The following NPHS2 variants were observed in gnomAD, a reference collection of about 807,000 sequenced individuals.
NPHS2 encodes podocin.
A neutral mutation model predicts 37.1 loss-of-function variants in NPHS2; 36 were observed. That is an observed-to-expected ratio of 0.97 (90% confidence interval 0.74 to 1.28). The LOEUF (loss-of-function observed/expected upper bound fraction) is 1.28. NPHS2 is among the 50% of genes most tolerant of loss of function. NPHS2 has a pLI of 0.00. For missense variants in NPHS2, 447 were observed against 488.1 expected (o/e 0.92, Z 0.79); for synonymous variants, 196 against 189.3 (o/e 1.04, Z -0.29).
At chr1:179,554,552 A>C in intron 5 of NPHS2, 21 bp from the exon 6 acceptor site, 5 of 1,614,154 alleles carry the variant, frequency 3.1e-6, no homozygotes, top group Non-Finnish European at 4.2e-6. Flanking sequence ...AAGAATTCAG[A>C]TGTCAGTGGG....
rs528445467 is a variant in NPHS2 at position 179,568,484 on chromosome 1, T to A, written c.275-3691A>T. On this transcript the variant is annotated intron_variant, in intron 1 of 7. Transcript: ENST00000367615. Reference sequence around the variant, plus strand: ...TCTTGCTAGCGGTCTATTTTGTTAATCTTTTCAAAAAACCAGCTCCTGGAT... The same window carrying A: ...TCTTGCTAGCGGTCTATTTTGTTAAACTTTTCAAAAAACCAGCTCCTGGAT... 1.7e-4 allele frequency among the ~76,000 whole-genome samples: 26 copies of A among 152,320 alleles called. No homozygotes were observed. The South Asian group carries it at 4.1e-3, about 24-fold the overall frequency.
At chr1:179,562,701 G>T (rs1219806810) in intron 2 of NPHS2, among the ~76,000 whole-genome samples, 1 of 152,290 alleles carries the variant, frequency 6.6e-6, no homozygotes, top group East Asian at 1.9e-4. Flanking sequence ...AATTTTATGA[G>T]GCCAGAACAC....
intron 1 of NPHS2, among the ~76,000 whole-genome samples, chr1:179,573,783 A>T (rs1454734091): frequency 6.6e-6 from 1 of 152,236 alleles, no homozygotes; most frequent in Non-Finnish European, 1.5e-5. Flanking sequence ...GTAGCGAGAG[A>T]TATGCGTAGA....
intron 2 of NPHS2, among the ~76,000 whole-genome samples, chr1:179,562,776 C>G (rs1459830469): frequency 6.6e-6 from 1 of 152,146 alleles, no homozygotes; most frequent in African/African-American, 2.4e-5. Context: ...CAAGCAATTC[C>G]CAATTGCTTG....
intron 1 of NPHS2, among the ~76,000 whole-genome samples, chr1:179,572,514 AGGGCTTAGAATAGTGCCT>A (rs2101883081): frequency 6.6e-6 from 1 of 152,330 alleles, no homozygotes; most frequent in African/African-American, 2.4e-5. Context: ...GTATGCCCCC[AGGGCTTAGAATAGTGCCT>A]GGCACCATAC....
intron 1 of NPHS2, among the ~76,000 whole-genome samples, chr1:179,571,972 C>T (rs1674581068): frequency 6.6e-6 from 1 of 152,206 alleles, no homozygotes; most frequent in Non-Finnish European, 1.5e-5. Context: ...GGTAGTCTGT[C>T]ATGGCATCCC....
intron 4 of NPHS2, 23 bp from the exon 5 acceptor site, chr1:179,557,253 G>T: frequency 6.3e-7 from 1 of 1,595,634 alleles, no homozygotes; most frequent in South Asian, 1.1e-5. Context: ...AAGTTTGGAT[G>T]ACAGGCTTGA....
Position 179,551,281 on chromosome 1 carries a change from A to G in NPHS2, c.1044T>C (p.Asn348=). 6.2e-7 allele frequency: 1 copy of G among 1,614,074 alleles called. No homozygotes were observed. Residue 348 remains asparagine, a synonymous_variant, in exon 8 of 8, where the codon AAT becomes AAC. Transcript: ENST00000367615. ...TTCTGTTGCTGGGAGAAGACAGGCA[A>G]TTCAGTAGGTCAAATGGCAAAGGTA... is the stretch of plus-strand genomic sequence containing the variant. ...VVLPLPFDLL[N]CLSSPSNRTQ...
At chr1:179,568,698 A>G (rs1413176180) in intron 1 of NPHS2, among the ~76,000 whole-genome samples, 1 of 152,166 alleles carries the variant, frequency 6.6e-6, no homozygotes, top group East Asian at 1.9e-4. Flanking sequence ...AGTGCTATAA[A>G]TTTTCCTCTA....
At chr1:179,552,204 G>A (rs1464235006) in intron 7 of NPHS2, 4 of 247,794 alleles carry the variant, frequency 1.6e-5, no homozygotes, top group South Asian at 5.9e-5. Context: ...GGCCCTGATC[G>A]TGGTTGTCCC....
rs1673914686 is a variant in NPHS2 at position 179,556,162 on chromosome 1, T to C, written c.738+865A>G. 6.6e-6 allele frequency among the ~76,000 whole-genome samples: 1 copy of C among 152,104 alleles called. No individual in the cohort carries two copies. On this transcript the variant is annotated intron_variant, in intron 5 of 7. Coordinates refer to ENST00000367615, the MANE Select transcript of NPHS2 (RefSeq NM_014625.4). This position sits in a 1 kb window ranked among gnomAD's most constrained non-coding sequence, Gnocchi z 4.1. ...AGAAGGATGAATAAGGAAAGGAGGG[T>C]GAAGGGGGACATCCCATAAAGCATA...
chr1:179,570,524 G>T (rs1020792621), intron 1 of NPHS2, among the ~76,000 whole-genome samples: 3 of 152,198 alleles, frequency 2.0e-5, no homozygotes, highest in African/African-American at 7.2e-5. Flanking sequence ...GCCTTTAAGC[G>T]GTTTTCCTCC....
At chr1:179,564,355 T>A (rs868189877) in intron 2 of NPHS2, among the ~76,000 whole-genome samples, 5 of 152,138 alleles carry the variant, frequency 3.3e-5, no homozygotes, top group African/African-American at 1.2e-4. Context: ...TTCGTGGAAG[T>A]GTGTGGAGTG....
chr1:179,554,185 A>C (rs1217045925), intron 6 of NPHS2, among the ~76,000 whole-genome samples: 1 of 152,152 alleles, frequency 6.6e-6, no homozygotes, highest in Non-Finnish European at 1.5e-5. Flanking sequence ...GAGTACTGGG[A>C]TTACAGGTGT....
chr1:179,570,741 C>T lies in NPHS2; in HGVS notation c.274+4850G>A, dbSNP rs562400811. On this transcript the variant is annotated intron_variant, in intron 1 of 7. Transcript: ENST00000367615. ...GGTCTTTTCACATAGTCCCATATTT[C>T]TTGGAGGCTTTGTTCGTTTCTTTTT... Among the ~76,000 whole-genome samples the T allele has an allele frequency of 2.6e-5, 4 of 152,340 alleles. No homozygotes were observed. The East Asian group carries it at 7.7e-4, about 29-fold the overall frequency.
intron 6 of NPHS2, among the ~76,000 whole-genome samples, chr1:179,553,912 A>ATTTT (rs11422639): frequency 2.3e-5 from 3 of 131,870 alleles, no homozygotes; most frequent in Admixed American, 7.8e-5. Flanking sequence ...CCCCTGGCTA[A>ATTTT]TTTTTTTTTT....
At chr1:179,564,171 G>T (rs564518639) in intron 2 of NPHS2, among the ~76,000 whole-genome samples, 1 of 152,118 alleles carries the variant, frequency 6.6e-6, no homozygotes, top group Non-Finnish European at 1.5e-5. Flanking sequence ...TTTCTTTCCC[G>T]TTAATCTTTC....
chr1:179,575,667 G>A lies in NPHS2; in HGVS notation c.198C>T (p.Asp66=). ...CGCCGGAGCCTCGGACCTCATCCAC[G>A]TCCACCACCGTGGCGGCGGGCGCTC... ...EPRAPAATVV[D]VDEVRGSGEE... The change falls in exon 1 of 8, where the codon GAC becomes GAT. Residue 66 remains aspartate (D), a synonymous_variant. Transcript: ENST00000367615. The A allele has an allele frequency of 6.2e-7, 1 of 1,602,752 alleles. No homozygotes were observed. The highest frequency in any genetic ancestry group is 1.1e-5 in the South Asian group (1 of 90,850).
rs1477180313 is a variant in NPHS2 at position 179,575,777 on chromosome 1, C to T, written c.88G>A (p.Glu30Lys). ...PHKENKRAKAERSGGGRGRQE... is the reference protein window; with the variant it reads ...PHKENKRAKAKRSGGGRGRQE... ...CGCCCGCGGCCTCCGCCGCTCCTCT[C>T]GGCCTTTGCCCTCTTGTTCTCCTTG... Residue 30 changes from glutamate to lysine, a missense_variant, in exon 1 of 8, where the codon GAG (glutamate) becomes AAG (lysine). Glu to Lys is a moderately conservative substitution (Grantham distance 56). Coordinates refer to ENST00000367615, the MANE Select transcript of NPHS2 (RefSeq NM_014625.4). The T allele has an allele frequency of 9.3e-6, 14 of 1,497,588 alleles. No individual in the cohort carries two copies. In the East Asian group the frequency reaches 3.2e-4, roughly 34 times the overall value. 92.8% of individuals were successfully genotyped at this position (1,497,588 alleles called of 1,614,324 possible). A position where few individuals can be genotyped will look rare whatever the true frequency, so the allele number is the denominator to read the frequency against.
Sources: allele counts gnomAD v4.1 joint callset (sites outside exome capture counted in the v4.1 genomes callset), GRCh38; gene constraint gnomAD v4.1.1; non-coding constraint Gnocchi (gnomAD v3.1); transcripts MANE v1.5; gene names NCBI Gene and HGNC (gene_info 2026-07-23, HGNC 2026-07-21).